Variants in ACTR3 observed in about 807,000 individuals in gnomAD.
The protein encoded by ACTR3 is actin related protein 3.
Under a neutral mutation model 56.8 loss-of-function variants are expected in ACTR3, and 12 were observed. The observed-to-expected ratio is 0.21, with a 90% CI of 0.14 to 0.34. The LOEUF is 0.34. ACTR3 is among the 10% of genes least tolerant of loss of function. ACTR3 has a pLI of 1.00. For missense variants in ACTR3, 282 were observed against 512.5 expected (o/e 0.55, Z 4.34); for synonymous variants, 162 against 167.4 (o/e 0.97, Z 0.25).
chr2:113,891,871 A>T (rs986371750), intron 1 of ACTR3, among the ~76,000 whole-genome samples: 12 of 152,034 alleles, frequency 7.9e-5, no homozygotes, highest in Non-Finnish European at 2.9e-5. Flanking sequence ...ATTCAGTCTC[A>T]TTTCTCTGAA....
At chr2:113,922,507 A>G (rs961532261) in intron 3 of ACTR3, among the ~76,000 whole-genome samples, 3 of 152,030 alleles carry the variant, frequency 2.0e-5, no homozygotes, top group Admixed American at 1.3e-4. Flanking sequence ...ATGTGGGGAG[A>G]AGGTGAAATC....
Position 113,890,110 on chromosome 2 carries a change from G to GA in ACTR3, c.-169dup, listed in dbSNP as rs1016600090. On this transcript the variant is annotated 5_prime_UTR_variant, in exon 1 of 12. Coordinates refer to ENST00000263238, the MANE Select transcript of ACTR3 (RefSeq NM_005721.5). ...CTGGGTTGCGGAAGTGATAGCCGCC[G>GA]ACCGAGCCTGCTGCTTTCTTGCTAC... 2.6e-5 allele frequency: 20 copies of GA among 776,698 alleles called. No individual in the cohort carries two copies. Among genetic ancestry groups the GA allele is most frequent in the Non-Finnish European group, 4.2e-5 (20 of 479,998 alleles). The allele number at this position is 776,698 out of a possible 1,614,324, so 48.1% of individuals were successfully genotyped here.
At chr2:113,905,526 T>A (rs1679177068) in intron 1 of ACTR3, among the ~76,000 whole-genome samples, 1 of 152,120 alleles carries the variant, frequency 6.6e-6, no homozygotes. Flanking sequence ...GTTTAACTAT[T>A]TCTAAGTGTG....
Position 113,961,277 on chromosome 2 carries a change from C to T in ACTR3, c.*3822C>T, listed in dbSNP as rs191223785. On this transcript the variant is annotated 3_prime_UTR_variant, in exon 12 of 12. Coordinates refer to ENST00000263238, the MANE Select transcript of ACTR3 (RefSeq NM_005721.5). ...TTCTCCATGCTATAACCCAGTTTAG[C>T]TGATGCATTTGGAGCTTGGGTGCTG... 1.2e-4 allele frequency: 18 copies of T among 151,972 alleles called. No homozygotes were observed. The highest frequency in any genetic ancestry group is 4.3e-4 in the African/African-American group (18 of 41,474). 9.4% of individuals were successfully genotyped at this position (151,972 alleles called of 1,614,324 possible). A position where few individuals can be genotyped will look rare whatever the true frequency, so the allele number is the denominator to read the frequency against.
At chr2:113,934,198 G>GTTT in intron 5 of ACTR3, 81 bp from the exon 6 acceptor site, 12 of 623,608 alleles carry the variant, frequency 1.9e-5, no homozygotes, top group South Asian at 6.9e-5. Flanking sequence ...CAGGGAACTA[G>GTTT]TTTTTTTTTT....
At chr2:113,897,898 C>T (rs1303659198) in intron 1 of ACTR3, among the ~76,000 whole-genome samples, 2 of 152,098 alleles carry the variant, frequency 1.3e-5, no homozygotes, top group African/African-American at 2.4e-5. Flanking sequence ...AGGACATTAC[C>T]TAAACGTTTT....
Position 113,960,361 on chromosome 2 carries a change from T to C in ACTR3, c.*2906T>C, listed in dbSNP as rs1191466132. On this transcript the variant is annotated 3_prime_UTR_variant, in exon 12 of 12. Transcript: ENST00000263238. The stretch of plus-strand genomic sequence containing the variant: ...CCCCAATACAATTTTTTGGTTTGTT[T>C]TCACAGCTACTTAAAAGATTAAAAT... The C allele has an allele frequency of 1.3e-5, 2 of 152,024 alleles. No individual in the cohort carries two copies. Among genetic ancestry groups the C allele is most frequent in the African/African-American group, 4.8e-5 (2 of 41,446 alleles). 9.4% of individuals were successfully genotyped at this position (152,024 alleles called of 1,614,324 possible). A position where few individuals can be genotyped will look rare whatever the true frequency, so the allele number is the denominator to read the frequency against.
intron 1 of ACTR3, among the ~76,000 whole-genome samples, chr2:113,905,531 AGT>A (rs1455000961): frequency 1.3e-5 from 2 of 152,014 alleles, no homozygotes; most frequent in African/African-American, 4.8e-5. Context: ...ACTATTTCTA[AGT>A]GTGCAGTTTA....
intron 5 of ACTR3, among the ~76,000 whole-genome samples, chr2:113,931,833 A>G (rs1385875153): frequency 6.7e-6 from 1 of 149,382 alleles, no homozygotes; most frequent in Non-Finnish European, 1.5e-5. Flanking sequence ...CTTAATTTGT[A>G]CGTTTATCTG....
chr2:113,930,468 C>G (rs569432252), intron 4 of ACTR3, among the ~76,000 whole-genome samples: 1 of 152,124 alleles, frequency 6.6e-6, no homozygotes, highest in East Asian at 1.9e-4. Context: ...ACCTTAAGGT[C>G]AAAAAGAGAA....
At chr2:113,950,331 A>G (rs1373238202) in intron 8 of ACTR3, among the ~76,000 whole-genome samples, 1 of 152,246 alleles carries the variant, frequency 6.6e-6, no homozygotes, top group Admixed American at 6.5e-5. Context: ...ATTTTAAATA[A>G]TGAAATCACT....
intron 1 of ACTR3, among the ~76,000 whole-genome samples, chr2:113,903,796 T>A (rs1244248838): frequency 1.3e-5 from 2 of 151,026 alleles, no homozygotes; most frequent in Non-Finnish European, 3.0e-5. Context: ...GTCTGGCCTG[T>A]CACTATTTCT....
At chr2:113,914,614 CAA>C (rs55784117) in intron 2 of ACTR3, among the ~76,000 whole-genome samples, 20 of 69,206 alleles carry the variant, frequency 2.9e-4, no homozygotes, top group South Asian at 1.4e-3. Context: ...GACTCAGTCT[CAA>C]AAAAAAAAAA....
intron 4 of ACTR3, among the ~76,000 whole-genome samples, chr2:113,928,340 T>A (rs1055533489): frequency 7.9e-5 from 12 of 152,222 alleles, no homozygotes; most frequent in African/African-American, 2.7e-4. Flanking sequence ...TTTCACTTCA[T>A]TTTAGTTTTT....
At chr2:113,927,555 CAT>C (rs1370202255) in intron 4 of ACTR3, 100 bp downstream of exon 4, 4 of 736,918 alleles carry the variant, frequency 5.4e-6, no homozygotes, top group Admixed American at 2.8e-5. Context: ...ATTAAATTGT[CAT>C]ATGTCTAAAT....
intron 1 of ACTR3, among the ~76,000 whole-genome samples, chr2:113,902,534 A>C (rs1347514928): frequency 6.6e-6 from 1 of 151,994 alleles, no homozygotes; most frequent in Non-Finnish European, 1.5e-5. Flanking sequence ...CATTACTGCC[A>C]TAGTAAGAGC....
intron 3 of ACTR3, among the ~76,000 whole-genome samples, chr2:113,926,270 T>C (rs1019230361): frequency 6.6e-6 from 1 of 152,244 alleles, no homozygotes; most frequent in Non-Finnish European, 1.5e-5. Context: ...GAAAGGAATA[T>C]ATAATAGTTT....
At position 113,917,033 on chromosome 2, in the gene ACTR3, T is replaced by A. The variant is rs1346692652; in HGVS notation, c.225+25T>A. ...GGTATGTTTTTATGATTTGTATAAA[T>A]AACATTTTCAAAAAATAGTTTGTTC... On this transcript the variant is annotated intron_variant, in intron 3 of 11. Coordinates refer to ENST00000263238, the MANE Select transcript of ACTR3 (RefSeq NM_005721.5). 6 of 1,572,220 alleles carry A rather than the reference T, an allele frequency of 3.8e-6. No homozygotes were observed. The Admixed American group carries it at 5.5e-5, about 14-fold the overall frequency.
At chr2:113,954,686 C>T (rs1399925743) in intron 10 of ACTR3, 3 of 151,234 alleles carry the variant, frequency 2.0e-5, no homozygotes, top group Admixed American at 2.0e-4. Flanking sequence ...CTGTACTTCC[C>T]GGCACAGCAA....
Sources: gnomAD v4.1 joint callset for allele counts (sites outside exome capture counted in the v4.1 genomes callset) on GRCh38, gnomAD v4.1.1 for gene constraint, MANE v1.5 for transcripts, NCBI Gene and HGNC (gene_info 2026-07-23, HGNC 2026-07-21) for gene names.